CWC22: variants seen among roughly 807,000 people sequenced by gnomAD.
The protein encoded by CWC22 is CWC22 spliceosome associated protein, also known as pre-mRNA-splicing factor CWC22 homolog.
CWC22 carries 53 observed loss-of-function variants against 117.2 expected under a neutral mutation model. The observed-to-expected ratio is 0.45, with a 90% CI of 0.36 to 0.57. The LOEUF (loss-of-function observed/expected upper bound fraction) is 0.57, where lower values mean the gene tolerates loss of function less well. CWC22 is among the 20% of genes least tolerant of loss of function. The pLI is 0.00. For synonymous variants in CWC22, 360 were observed against 355.6 expected (o/e 1.01, Z -0.14); for missense variants, 980 against 1,068.8 (o/e 0.92, Z 1.16).
chr2:179,990,002 A>G (rs746074313), intron 2 of CWC22, among the ~76,000 whole-genome samples: 2 of 152,164 alleles, frequency 1.3e-5, no homozygotes, highest in Non-Finnish European at 2.9e-5. Flanking sequence ...CTCTGATTTT[A>G]TGACTATCTA....
intron 12 of CWC22, 119 bp from the exon 13 acceptor site, chr2:179,964,747 T>A: frequency 1.8e-6 from 1 of 561,894 alleles, no homozygotes; most frequent in Non-Finnish European, 3.1e-6. Flanking sequence ...TTTAATAATA[T>A]TATCTTTTTA....
chr2:180,006,642 T>C (rs1687984171), intron 1 of CWC22, among the ~76,000 whole-genome samples: 1 of 152,132 alleles, frequency 6.6e-6, no homozygotes, highest in African/African-American at 2.4e-5. Flanking sequence ...TTTAATCAAC[T>C]AGATCTCATT....
At position 179,954,348 on chromosome 2, in the gene CWC22, T is replaced by C. The variant is rs1425929187; in HGVS notation, c.1546A>G (p.Met516Val). ...GATTCCATGTACTCTTTCTTTAGCA[T>C]GCAAAATCGCTAATAAATAAAAAAT... ...FFGLLAGRFC[M>V]LKKEYMESFE... Residue 516 changes from methionine (M) to valine (V), a missense_variant, in exon 16 of 20, where the codon ATG becomes GTG. Around this residue, in one of 3 missense-constraint regions of CWC22, gnomAD observed 115 missense variants for 169.8 expected, o/e 0.68. Transcript: ENST00000410053. The C allele has an allele frequency of 2.6e-6, 4 of 1,566,844 alleles. No individual in the cohort carries two copies. The highest frequency in any genetic ancestry group is 2.3e-5 in the East Asian group (1 of 44,052).
chr2:179,944,899 C>G lies in CWC22; in HGVS notation c.*230G>C. 1 of 360,238 alleles carries G rather than the reference C, an allele frequency of 2.8e-6. No homozygotes were observed. Among genetic ancestry groups the G allele is most frequent in the Non-Finnish European group, 4.9e-6 (1 of 204,022 alleles). 22.3% of individuals were successfully genotyped at this position (360,238 alleles called of 1,614,324 possible). A position where few individuals can be genotyped will look rare whatever the true frequency, so the allele number is the denominator to read the frequency against. On this transcript the variant is annotated 3_prime_UTR_variant, in exon 20 of 20. Transcript: ENST00000410053. Reference sequence around the variant, plus strand: ...AATGAGCTTTTGATCATTTTATTCACAAAATATAAGCGAGACTTACATCCC... The same window carrying G: ...AATGAGCTTTTGATCATTTTATTCAGAAAATATAAGCGAGACTTACATCCC...
intron 1 of CWC22, among the ~76,000 whole-genome samples, chr2:180,001,690 T>G (rs1400213785): frequency 1.3e-5 from 2 of 152,162 alleles, no homozygotes; most frequent in Non-Finnish European, 2.9e-5. Flanking sequence ...TTCCCACTAC[T>G]CCACAGCACT....
intron 1 of CWC22, among the ~76,000 whole-genome samples, chr2:180,000,605 T>C (rs746726114): frequency 5.3e-5 from 8 of 152,242 alleles, no homozygotes; most frequent in South Asian, 2.1e-4. Context: ...TTTTGCTTCA[T>C]AGTCATTGCA....
chr2:179,963,634 G>A (rs547172163), intron 13 of CWC22, among the ~76,000 whole-genome samples: 30 of 152,084 alleles, frequency 2.0e-4, no homozygotes, highest in African/African-American at 6.3e-4. Context: ...GAGCCACCGC[G>A]CCCGGCCATA....
chr2:179,973,160 G>A, intron 8 of CWC22, 33 bp downstream of exon 8: 1 of 1,512,206 alleles, frequency 6.6e-7, no homozygotes. Context: ...TAATGCCACT[G>A]AATGGGACCA....
intron 1 of CWC22, among the ~76,000 whole-genome samples, chr2:180,006,329 T>C (rs1190225301): frequency 6.6e-6 from 1 of 152,238 alleles, no homozygotes; most frequent in East Asian, 1.9e-4. Context: ...TGAAATTAAC[T>C]ATTATATTTC....
intron 3 of CWC22, among the ~76,000 whole-genome samples, chr2:179,987,006 C>G (rs577970573): frequency 1.8e-4 from 28 of 152,146 alleles, no homozygotes; most frequent in Non-Finnish European, 3.8e-4. Flanking sequence ...AGCAAAACAA[C>G]TCCTAGGATT....
intron 1 of CWC22, among the ~76,000 whole-genome samples, chr2:180,000,685 T>C (rs1048178282): frequency 2.6e-5 from 4 of 152,332 alleles, no homozygotes; most frequent in East Asian, 1.9e-4. Context: ...GGGCTAGAAG[T>C]TGTGCAGACA....
rs977213393 is a variant in CWC22, at chr2:179,982,791, C to T, written c.207-794G>A. Among the ~76,000 whole-genome samples, 10 of 152,200 alleles carry T rather than the reference C, an allele frequency of 6.6e-5. No individual in the cohort carries two copies. In the East Asian group the frequency reaches 9.7e-4, roughly 15 times the overall value. On this transcript the variant is annotated intron_variant, in intron 4 of 19. Transcript: ENST00000410053. ...ACCATCAAGAACTAACGGGAAAGAG[C>T]GAATTCTTGCTTTTTGCTATCTTTC...
At position 179,954,427 on chromosome 2, in the gene CWC22, A is replaced by T. The variant is rs552350427; in HGVS notation, c.1537-70T>A. ...CAATTATGAGCATATTAAATCCTAA[A>T]TTTACTGAATCAAAACTTTATTAAT... is the stretch of plus-strand genomic sequence containing the variant. On this transcript the variant is annotated intron_variant, in intron 15 of 19. Transcript: ENST00000410053. 4.1e-5 allele frequency: 38 copies of T among 926,786 alleles called. No homozygotes were observed. The African/African-American group carries it at 6.0e-4, about 15-fold the overall frequency. The allele number at this position is 926,786 out of a possible 1,614,324, so 57.4% of individuals were successfully genotyped here. A position where few individuals can be genotyped will look rare whatever the true frequency, so the allele number is the denominator to read the frequency against.
chr2:179,966,352 C>T (rs759988881), intron 11 of CWC22, among the ~76,000 whole-genome samples: 4 of 152,000 alleles, frequency 2.6e-5, no homozygotes, highest in Non-Finnish European at 5.9e-5. Context: ...GAAGACAGTC[C>T]ATTACAAAAA....
At chr2:179,962,338 A>G (rs1468544681) in intron 13 of CWC22, among the ~76,000 whole-genome samples, 2 of 152,168 alleles carry the variant, frequency 1.3e-5, no homozygotes, top group Non-Finnish European at 2.9e-5. Context: ...AGATGCCCTC[A>G]TAGCCACCTG....
chr2:179,990,446 C>A lies in CWC22; in HGVS notation c.28-1802G>T, dbSNP rs985250072. The stretch of plus-strand genomic sequence containing the variant: ...ACAATAGATAAGAAAGGCCAAGGAG[C>A]TTATGATCTTGTAGAAGACAGACAG... On this transcript the variant is annotated intron_variant, in intron 2 of 19. Coordinates refer to ENST00000410053, the MANE Select transcript of CWC22 (RefSeq NM_020943.3). 2.0e-5 allele frequency among the ~76,000 whole-genome samples: 3 copies of A among 151,930 alleles called. No individual in the cohort carries two copies. In the East Asian group the frequency reaches 5.8e-4, roughly 29 times the overall value.
Position 179,973,610 on chromosome 2 carries a change from T to A in CWC22, c.750+24A>T, listed in dbSNP as rs766650666. 3.4e-6 allele frequency: 5 copies of A among 1,450,882 alleles called. No individual in the cohort carries two copies. In the East Asian group the frequency reaches 9.3e-5, roughly 27 times the overall value. The allele number at this position is 1,450,882 out of a possible 1,614,324, so 89.9% of individuals were successfully genotyped here. On this transcript the variant is annotated intron_variant, in intron 7 of 19. Coordinates refer to ENST00000410053, the MANE Select transcript of CWC22 (RefSeq NM_020943.3). ...GTTAGTTTGTTCCTATGTATCATTC[T>A]ACTTACAAGCCATTCATATATACCT...
chr2:179,971,838 C>CT (rs1687043035), intron 8 of CWC22, among the ~76,000 whole-genome samples: 4 of 152,174 alleles, frequency 2.6e-5, no homozygotes, highest in African/African-American at 9.7e-5. Flanking sequence ...TAAATCTCAA[C>CT]TCAGGAGATA....
At chr2:179,957,567 C>T (rs906016874) in intron 14 of CWC22, among the ~76,000 whole-genome samples, 3 of 152,286 alleles carry the variant, frequency 2.0e-5, no homozygotes, top group East Asian at 1.9e-4. Flanking sequence ...AGGCCTCCAC[C>T]GCAGGCTGCC....
Sources: gnomAD v4.1 joint callset for allele counts (sites outside exome capture counted in the v4.1 genomes callset) on GRCh38, gnomAD v4.1.1 for gene constraint, gnomAD v4.1.1 regional missense constraint, MANE v1.5 for transcripts, NCBI Gene and HGNC (gene_info 2026-07-23, HGNC 2026-07-21) for gene names.